Variants in ZMPSTE24 observed in about 807,000 individuals in gnomAD.
The protein encoded by ZMPSTE24 is zinc metallopeptidase STE24, also known as CAAX prenyl protease 1 homolog.
In ZMPSTE24, 48 loss-of-function variants were observed where a neutral mutation model predicts 56.7. That is an observed-to-expected ratio of 0.85 (90% confidence interval 0.67 to 1.08). ZMPSTE24 has a LOEUF of 1.08. Ranked by LOEUF, ZMPSTE24 falls within the 50% of genes least tolerant of loss-of-function variation. The pLI is 0.00. For missense variants in ZMPSTE24, 503 were observed against 548.7 expected (o/e 0.92, Z 0.83); for synonymous variants, 172 against 195.2 (o/e 0.88, Z 0.99).
chr1:40,291,146 A>G lies in ZMPSTE24; in HGVS notation c.1203+149A>G, dbSNP rs577116889. On this transcript the variant is annotated intron_variant, in intron 9 of 9. Coordinates refer to ENST00000372759, the MANE Select transcript of ZMPSTE24 (RefSeq NM_005857.5). ...TTAGTCCCCTGATTCACTGGTCAGT[A>G]TGACAAAGTAGCAGAAAAATTCAAG... 3.7e-6 allele frequency: 4 copies of G among 1,082,134 alleles called. No homozygotes were observed. In the African/African-American group the frequency reaches 4.8e-5, roughly 13 times the overall value. 67.0% of individuals were successfully genotyped at this position (1,082,134 alleles called of 1,614,324 possible).
chr1:40,291,420 A>G (rs746413671), intron 9 of ZMPSTE24, among the ~76,000 whole-genome samples: 2 of 152,212 alleles, frequency 1.3e-5, no homozygotes, highest in African/African-American at 2.4e-5. Flanking sequence ...CTGCCTCCAT[A>G]TAGCCTGAGG....
rs147773110 is a variant in ZMPSTE24, at chr1:40,280,018, T to C, written c.770-1325T>C. On this transcript the variant is annotated intron_variant, in intron 6 of 9. Transcript: ENST00000372759. ...TCTGATAGAGAAATGGTTTGTTGTG[T>C]AAAATAAGAGAAGACGACACTTCAA... Among the ~76,000 whole-genome samples the C allele has an allele frequency of 2.0e-3, 312 of 152,302 alleles. 1 individual carries two copies. The highest frequency in any genetic ancestry group is 7.3e-3 in the African/African-American group (305 of 41,562).
chr1:40,266,148 A>G (rs1025877515), intron 2 of ZMPSTE24, among the ~76,000 whole-genome samples: 14 of 152,232 alleles, frequency 9.2e-5, no homozygotes, highest in Non-Finnish European at 2.1e-4. Flanking sequence ...TTAAAAGCAT[A>G]CATAAATCAC....
At chr1:40,292,374 T>C (rs1356476736) in intron 9 of ZMPSTE24, 71 bp from the exon 10 acceptor site, 1 of 1,462,674 alleles carries the variant, frequency 6.8e-7, no homozygotes, top group African/African-American at 1.4e-5. Context: ...CTCTACAGTC[T>C]CAGCTCATGG....
intron 6 of ZMPSTE24, among the ~76,000 whole-genome samples, chr1:40,277,183 T>G (rs1353946060): frequency 6.6e-6 from 1 of 151,676 alleles, no homozygotes; most frequent in Non-Finnish European, 1.5e-5. Context: ...CCTCCCGGGT[T>G]CACACCATTC....
intron 2 of ZMPSTE24, among the ~76,000 whole-genome samples, chr1:40,266,960 G>A (rs1270267544): frequency 6.6e-6 from 1 of 151,774 alleles, no homozygotes; most frequent in Non-Finnish European, 1.5e-5. Context: ...GTAGGGACAG[G>A]TTTCACCATG....
intron 9 of ZMPSTE24, among the ~76,000 whole-genome samples, chr1:40,291,513 G>C (rs971472726): frequency 6.6e-6 from 1 of 152,200 alleles, no homozygotes; most frequent in African/African-American, 2.4e-5. Flanking sequence ...TAGCTCATTA[G>C]GGGTATTCCG....
At chr1:40,289,911 A>C (rs961397630) in intron 8 of ZMPSTE24, among the ~76,000 whole-genome samples, 1 of 152,146 alleles carries the variant, frequency 6.6e-6, no homozygotes, top group Non-Finnish European at 1.5e-5. Context: ...ACAGTGTTAT[A>C]AAACAAGGCC....
At chr1:40,270,981 A>G (rs1479884790) in intron 5 of ZMPSTE24, among the ~76,000 whole-genome samples, 1 of 152,162 alleles carries the variant, frequency 6.6e-6, no homozygotes, top group Non-Finnish European at 1.5e-5. Context: ...AAAAACCCAA[A>G]TGAAAAAACC....
intron 6 of ZMPSTE24, among the ~76,000 whole-genome samples, chr1:40,277,528 G>A (rs1036370824): frequency 6.6e-5 from 10 of 152,094 alleles, no homozygotes; most frequent in East Asian, 3.8e-4. Context: ...TGATTTTGGC[G>A]TATTCCTTGG....
At chr1:40,277,698 G>A (rs146314513) in intron 6 of ZMPSTE24, among the ~76,000 whole-genome samples, 72 of 152,090 alleles carry the variant, frequency 4.7e-4, no homozygotes, top group African/African-American at 1.5e-3. Context: ...GCCAGGCGTG[G>A]TAGCTCACAC....
intron 2 of ZMPSTE24, among the ~76,000 whole-genome samples, chr1:40,265,002 C>G (rs189200265): frequency 6.6e-6 from 1 of 151,426 alleles, no homozygotes; most frequent in Admixed American, 6.6e-5. Flanking sequence ...GTGAAATTGT[C>G]AACATAGAGA....
Position 40,292,527 on chromosome 1 carries a change from A to G in ZMPSTE24, c.1286A>G (p.Lys429Arg). The G allele has an allele frequency of 1.9e-6, 3 of 1,614,178 alleles. No homozygotes were observed. Among genetic ancestry groups the G allele is most frequent in the East Asian group, 4.5e-5 (2 of 44,872 alleles). The change falls in exon 10 of 10, where the codon AAA (lysine) becomes AGA (arginine). Residue 429 changes from lysine (K) to arginine (R), a missense_variant. Lys to Arg is a conservative substitution (Grantham distance 26). Coordinates refer to ENST00000372759, the MANE Select transcript of ZMPSTE24 (RefSeq NM_005857.5). The part of the protein sequence containing the change: ...DAFAKKLGKA[K>R]DLYSALIKLN... ...TTTGCCAAGAAACTTGGGAAGGCTA[A>G]AGACTTATATTCTGCTTTAATCAAA...
intron 8 of ZMPSTE24, among the ~76,000 whole-genome samples, chr1:40,289,534 C>G (rs1284055326): frequency 6.6e-6 from 1 of 152,196 alleles, no homozygotes; most frequent in Non-Finnish European, 1.5e-5. Context: ...AGCTGCTTGT[C>G]CTGGGGCAGC....
At chr1:40,289,165 C>A (rs1643814746) in intron 8 of ZMPSTE24, among the ~76,000 whole-genome samples, 3 of 152,172 alleles carry the variant, frequency 2.0e-5, no homozygotes, top group African/African-American at 7.2e-5. Context: ...AGAGTATGAG[C>A]CATCTGCTTA....
At chr1:40,280,635 AG>A (rs1207900896) in intron 6 of ZMPSTE24, among the ~76,000 whole-genome samples, 1 of 152,168 alleles carries the variant, frequency 6.6e-6, no homozygotes, top group Non-Finnish European at 1.5e-5. Context: ...CATGTTGGCC[AG>A]GCTGGTCACG....
At chr1:40,259,578 C>T (rs765525098) in intron 1 of ZMPSTE24, 3 of 152,068 alleles carry the variant, frequency 2.0e-5, no homozygotes, top group Admixed American at 6.6e-5. Context: ...TTAGTAGAGA[C>T]GGGGTTTCAC....
chr1:40,273,537 A>AAAAAAAAAAAAAAATATATATAT (rs1224234676), intron 6 of ZMPSTE24, among the ~76,000 whole-genome samples: 1 of 12,388 alleles, frequency 8.1e-5, no homozygotes, highest in Non-Finnish European at 2.0e-4. Flanking sequence ...AAAAAAAAAA[A>AAAAAAAAAAAAAAATATATATAT]ATATATATAT....
intron 6 of ZMPSTE24, among the ~76,000 whole-genome samples, chr1:40,273,556 A>G (rs1206909507): frequency 1.7e-5 from 2 of 119,606 alleles, no homozygotes; most frequent in African/African-American, 6.9e-5. Context: ...ATATATATAT[A>G]TATATATATA....
Sources: allele counts gnomAD v4.1 joint callset (sites outside exome capture counted in the v4.1 genomes callset), GRCh38; gene constraint gnomAD v4.1.1; transcripts MANE v1.5; gene names NCBI Gene and HGNC (gene_info 2026-07-23, HGNC 2026-07-21).